Variants in SLC5A6 observed in about 807,000 individuals in gnomAD.
SLC5A6 encodes the protein sodium-dependent multivitamin transporter.
A neutral mutation model predicts 67.9 loss-of-function variants in SLC5A6; 31 were observed. That is an observed-to-expected ratio of 0.46 (90% confidence interval 0.34 to 0.62). The LOEUF (loss-of-function observed/expected upper bound fraction) is 0.62, where lower values mean the gene tolerates loss of function less well. Ranked by LOEUF, SLC5A6 falls within the 20% of genes least tolerant of loss-of-function variation. The pLI is 0.01. For synonymous variants in SLC5A6, 343 were observed against 331.0 expected (o/e 1.04, Z -0.39); for missense variants, 673 against 812.8 (o/e 0.83, Z 2.09).
At chr2:27,202,753 C>A (rs1177499339) in intron 12 of SLC5A6, 60 bp downstream of exon 12, 39 of 1,452,376 alleles carry the variant, frequency 2.7e-5, no homozygotes, top group Non-Finnish European at 3.8e-5. Context: ...TTCTCAACTT[C>A]CTGTTTCAAT....
Position 27,201,377 on chromosome 2 carries a change from C to T in SLC5A6, c.1621G>A (p.Val541Met). 2 of 1,612,616 alleles carry T rather than the reference C, an allele frequency of 1.2e-6. No individual in the cohort carries two copies. The highest frequency in any genetic ancestry group is 1.1e-5 in the South Asian group (1 of 91,050). The stretch of plus-strand genomic sequence containing the variant: ...GTGAGTAGACTGACAATCAGGCCCA[C>T]CACAATCACTGTGGTGGAGTTGTGA... ...SAHNSTTVIV[V>M]GLIVSLLTGR... Residue 541 changes from valine to methionine, a missense_variant, in exon 15 of 17, where the codon GTG becomes ATG. Coordinates refer to ENST00000310574, the MANE Select transcript of SLC5A6 (RefSeq NM_021095.4).
chr2:27,209,812 C>G (rs578094081), intron 2 of SLC5A6, among the ~76,000 whole-genome samples: 14 of 152,332 alleles, frequency 9.2e-5, no homozygotes, highest in African/African-American at 3.1e-4. Context: ...AACCTGAACT[C>G]TGAACCTCTT....
Position 27,201,759 on chromosome 2 carries a change from G to A in SLC5A6, c.1451C>T (p.Pro484Leu). Residue 484 changes from proline to leucine, a missense_variant, in exon 14 of 17, where the codon CCA becomes CTA. By Grantham distance (98) the Pro-to-Leu change is moderately conservative. Transcript: ENST00000310574. ...SIVTSMGSSM[P>L]PSPSNGSSFS... Reference sequence around the variant, plus strand: ...GCTGGACCCATTAGAGGGAGAGGGTGGCATGCTGGAGCCCATGCTGGTCAC... The same window carrying A: ...GCTGGACCCATTAGAGGGAGAGGGTAGCATGCTGGAGCCCATGCTGGTCAC... 1 of 1,614,076 alleles carries A rather than the reference G, an allele frequency of 6.2e-7. No individual in the cohort carries two copies. The highest frequency in any genetic ancestry group is 8.5e-7 in the Non-Finnish European group (1 of 1,179,918).
intron 8 of SLC5A6, 42 bp from the exon 9 acceptor site, chr2:27,204,632 A>G (rs1214152430): frequency 6.2e-7 from 1 of 1,610,336 alleles, no homozygotes; most frequent in Admixed American, 1.7e-5. Context: ...CGGCGTTAAC[A>G]GACACCCTCA....
Position 27,199,828 on chromosome 2 carries a change from C to G in SLC5A6, c.*608G>C. On this transcript the variant is annotated 3_prime_UTR_variant, in exon 17 of 17. Coordinates refer to ENST00000310574, the MANE Select transcript of SLC5A6 (RefSeq NM_021095.4). ...AGGATGGAGACAGTGAGGTGGAAAA[C>G]GTGCTTGCTCTACACAAAGACAAAT... The G allele has an allele frequency of 6.5e-6, 1 of 152,810 alleles. No homozygotes were observed. The highest frequency in any genetic ancestry group is 1.9e-4 in the East Asian group (1 of 5,328). 9.5% of individuals were successfully genotyped at this position (152,810 alleles called of 1,614,324 possible). A position where few individuals can be genotyped will look rare whatever the true frequency, so the allele number is the denominator to read the frequency against.
intron 2 of SLC5A6, among the ~76,000 whole-genome samples, chr2:27,208,170 G>A (rs1412107854): frequency 1.3e-5 from 2 of 152,258 alleles, no homozygotes; most frequent in African/African-American, 2.4e-5. Flanking sequence ...CCAGCCTGGC[G>A]CCACAGCCCA....
Position 27,203,887 on chromosome 2 carries a change from A to C in SLC5A6, c.1006-20T>G, listed in dbSNP as rs950506674. On this transcript the variant is annotated intron_variant, in intron 9 of 16. Transcript: ENST00000310574. Reference sequence around the variant, plus strand: ...GACGAACTGCAAGCAGAGCGGAGGTACACAGCAGTCCTCAGAGAGGGGTCT... The same window carrying C: ...GACGAACTGCAAGCAGAGCGGAGGTCCACAGCAGTCCTCAGAGAGGGGTCT... The C allele has an allele frequency of 1.9e-6, 3 of 1,596,438 alleles. No homozygotes were observed. Among genetic ancestry groups the C allele is most frequent in the Non-Finnish European group, 2.6e-6 (3 of 1,164,254 alleles).
In SLC5A6 at chr2:27,206,497, A is replaced by G; in HGVS notation, c.497T>C (p.Leu166Ser). 6.2e-7 allele frequency: 1 copy of G among 1,614,176 alleles called. No homozygotes were observed. The highest frequency in any genetic ancestry group is 1.1e-5 in the South Asian group (1 of 91,086). ...YMGVVLYAPS[L>S]ALNAVTGFDL... is the part of the protein sequence containing the mutation. The stretch of plus-strand genomic sequence containing the variant: ...TGACTCCTCACCTGCATTGAGAGCC[A>G]ATGACGGAGCATAGAGCACAACTCC... The change falls in exon 5 of 17, where the codon TTG becomes TCG. Residue 166 changes from leucine to serine, a missense_variant. Physicochemically the swap from Leu to Ser is moderately radical, Grantham distance 145. Transcript: ENST00000310574.
Position 27,200,191 on chromosome 2 carries a change from G to A in SLC5A6, c.*245C>T. 2.4e-6 allele frequency: 1 copy of A among 416,460 alleles called. No individual in the cohort carries two copies. The highest frequency in any genetic ancestry group is 4.3e-6 in the Non-Finnish European group (1 of 234,104). The allele number at this position is 416,460 out of a possible 1,614,324, so 25.8% of individuals were successfully genotyped here. A position where few individuals can be genotyped will look rare whatever the true frequency, so the allele number is the denominator to read the frequency against. Reference sequence around the variant, plus strand: ...CCATCCCTATTTCTGGCATGATCCTGCTCCCTACGAGCCTGATCCTTTAAA... The same window carrying A: ...CCATCCCTATTTCTGGCATGATCCTACTCCCTACGAGCCTGATCCTTTAAA... On this transcript the variant is annotated 3_prime_UTR_variant, in exon 17 of 17. Transcript: ENST00000310574.
In SLC5A6 at chr2:27,203,162, A is replaced by C. The variant is rs1386345864; in HGVS notation, c.1207+71T>G. On this transcript the variant is annotated intron_variant, in intron 11 of 16. Coordinates refer to ENST00000310574, the MANE Select transcript of SLC5A6 (RefSeq NM_021095.4). ...CCGGATAAAGTGGGTGTTTTACAGC[A>C]AACTGATGACAATGGTCAGGATGAA... 9.4e-6 allele frequency: 15 copies of C among 1,600,108 alleles called. No homozygotes were observed. In the Admixed American group the frequency reaches 1.6e-4, roughly 17 times the overall value.
chr2:27,204,793 C>T lies in SLC5A6; in HGVS notation c.873G>A (p.Val291=), dbSNP rs765755953. 11 of 1,614,078 alleles carry T rather than the reference C, an allele frequency of 6.8e-6. No homozygotes were observed. In the South Asian group the frequency reaches 1.1e-4, roughly 16 times the overall value. ...TCCCTTCCTGTCCCTGCACTCACAG[C>T]ACAGCAGCCTTCTCCGTGCGGGAAC... ...YLSSRTEKAA[V]LSCYAVFPFQ... The change falls in exon 8 of 17, where the codon GTG becomes GTA. Residue 291 remains valine, a splice_region_variant and synonymous_variant. Transcript: ENST00000310574.
In SLC5A6 at chr2:27,207,510, A is replaced by T. The variant is rs1674159492; in HGVS notation, c.141T>A (p.Ala47=). 6.2e-7 allele frequency: 1 copy of T among 1,614,226 alleles called. No individual in the cohort carries two copies. The highest frequency in any genetic ancestry group is 1.1e-5 in the South Asian group (1 of 91,088). The change falls in exon 3 of 17, where the codon GCT becomes GCA. Residue 47 remains alanine (A), a synonymous_variant. Coordinates refer to ENST00000310574, the MANE Select transcript of SLC5A6 (RefSeq NM_021095.4). The surrounding 1 kb of genome is among the most constrained non-coding windows in gnomAD (Gnocchi z 5.5). ...CAGTATGCCGGCCCCAGCCACGACA[A>T]GCATGGTAGAGCCCAATGGCAAGAG... The part of the protein sequence containing the change: ...VLSLAIGLYH[A]CRGWGRHTVG...
In SLC5A6 at chr2:27,205,049, G is replaced by T. The variant is rs920410765; in HGVS notation, c.735-118C>A. Reference sequence around the variant, plus strand: ...AGACACCACTGCTAGGGCCAAGGGGGACACTGAAAGCAAGAAGCTGGGTGC... The same window carrying T: ...AGACACCACTGCTAGGGCCAAGGGGTACACTGAAAGCAAGAAGCTGGGTGC... On this transcript the variant is annotated intron_variant, in intron 7 of 16. Transcript: ENST00000310574. 3.3e-6 allele frequency: 4 copies of T among 1,213,962 alleles called. No homozygotes were observed. The South Asian group carries it at 4.1e-5, about 12-fold the overall frequency. The allele number at this position is 1,213,962 out of a possible 1,614,324, so 75.2% of individuals were successfully genotyped here.
At chr2:27,201,189 C>G in intron 15 of SLC5A6, 76 bp from the exon 16 acceptor site, 1 of 1,167,734 alleles carries the variant, frequency 8.6e-7, no homozygotes, top group Non-Finnish European at 1.2e-6. Flanking sequence ...CCTTGGCCCC[C>G]AGAGACCCCA....
At chr2:27,202,681 G>T in intron 12 of SLC5A6, 132 bp downstream of exon 12, 1 of 805,796 alleles carries the variant, frequency 1.2e-6, no homozygotes, top group Non-Finnish European at 2.2e-6. Flanking sequence ...CAGTAAAGAC[G>T]GTCCATCAAA....
rs10638396 is a variant in SLC5A6, at chr2:27,202,503, C to CAAAAAAA, written c.1275+303_1275+309dup. On this transcript the variant is annotated intron_variant, in intron 12 of 16. Transcript: ENST00000310574. Reference sequence around the variant, plus strand: ...TGAGCAACAGAATGAGACTCTGTCTCAAAAAAAAAAAAAAAAAAAAAAGAA... The same window carrying CAAAAAAA: ...TGAGCAACAGAATGAGACTCTGTCTCAAAAAAAAAAAAAAAAAAAAAAAAAAAAAGAA... Among the ~76,000 whole-genome samples the CAAAAAAA allele has an allele frequency of 5.4e-3, 387 of 71,934 alleles. 19 individuals are homozygous for CAAAAAAA. The highest frequency in any genetic ancestry group is 7.7e-3 in the East Asian group (14 of 1,814). 47.2% of individuals were successfully genotyped at this position (71,934 alleles called of 152,430 possible).
Position 27,200,341 on chromosome 2 carries a change from C to G in SLC5A6, c.*95G>C. 7.9e-7 allele frequency: 1 copy of G among 1,273,666 alleles called. No individual in the cohort carries two copies. The highest frequency in any genetic ancestry group is 1.1e-6 in the Non-Finnish European group (1 of 928,212). The allele number at this position is 1,273,666 out of a possible 1,614,324, so 78.9% of individuals were successfully genotyped here. A position where few individuals can be genotyped will look rare whatever the true frequency, so the allele number is the denominator to read the frequency against. ...ATGAGCTAGATCATCCAGGCCTGTC[C>G]CTGCAGAACACACCAAGACTCATCC... On this transcript the variant is annotated 3_prime_UTR_variant, in exon 17 of 17. Transcript: ENST00000310574.
rs1224461927 is a variant in SLC5A6, at chr2:27,210,642, C to T, written c.-141+825G>A. Among the ~76,000 whole-genome samples the T allele has an allele frequency of 2.0e-5, 3 of 148,492 alleles. No homozygotes were observed. The Admixed American group carries it at 2.0e-4, about 10-fold the overall frequency. Reference sequence around the variant, plus strand: ...TATTTTTAGTAGAGACGAGATTTCACCATATTGGCCAGGCTGGTCTCAAAA... The same window carrying T: ...TATTTTTAGTAGAGACGAGATTTCATCATATTGGCCAGGCTGGTCTCAAAA... On this transcript the variant is annotated intron_variant, in intron 2 of 16. Coordinates refer to ENST00000310574, the MANE Select transcript of SLC5A6 (RefSeq NM_021095.4).
At chr2:27,211,171 T>C (rs1195898434) in intron 2 of SLC5A6, among the ~76,000 whole-genome samples, 2 of 152,260 alleles carry the variant, frequency 1.3e-5, no homozygotes, top group South Asian at 2.1e-4. Context: ...CTGGGGCCTA[T>C]AATTCCTCAA....
Sources: allele counts gnomAD v4.1 joint callset (sites outside exome capture counted in the v4.1 genomes callset), GRCh38; gene constraint gnomAD v4.1.1; non-coding constraint Gnocchi (gnomAD v3.1); transcripts MANE v1.5; gene names NCBI Gene and HGNC (gene_info 2026-07-23, HGNC 2026-07-21).